Variants in ADCY5 observed in about 807,000 individuals in gnomAD.
ADCY5 encodes the protein adenylate cyclase 5, also known as adenylate cyclase type 5.
A neutral mutation model predicts 119.7 loss-of-function variants in ADCY5; 30 were observed. The ratio of observed to expected loss-of-function variants is 0.25; its 90% CI spans 0.19 to 0.34. The LOEUF is 0.34. Ranked by LOEUF, ADCY5 falls within the 10% of genes least tolerant of loss-of-function variation. ADCY5 has a pLI of 1.00. For missense variants in ADCY5, 1,324 were observed against 1,775.2 expected (o/e 0.75, Z 4.57); for synonymous variants, 753 against 762.2 (o/e 0.99, Z 0.20).
intron 2 of ADCY5, among the ~76,000 whole-genome samples, chr3:123,349,020 A>C (rs1942705978): frequency 6.6e-6 from 1 of 151,866 alleles, no homozygotes; most frequent in Non-Finnish European, 1.5e-5. Context: ...TCACGCCTGC[A>C]CTCTGGGAGT....
intron 12 of ADCY5, among the ~76,000 whole-genome samples, chr3:123,313,805 T>G (rs1940726114): frequency 6.6e-6 from 1 of 151,960 alleles, no homozygotes; most frequent in Non-Finnish European, 1.5e-5. Context: ...ATCTCTGAGG[T>G]CCCCTCCAGG....
chr3:123,387,742 A>G (rs1944271015), intron 1 of ADCY5, among the ~76,000 whole-genome samples: 1 of 152,228 alleles, frequency 6.6e-6, no homozygotes, highest in Non-Finnish European at 1.5e-5. Flanking sequence ...ACTAAACCCA[A>G]TGGCAGGCCA....
intron 1 of ADCY5, among the ~76,000 whole-genome samples, chr3:123,417,497 G>A (rs1945212916): frequency 6.6e-6 from 1 of 152,248 alleles, no homozygotes. Flanking sequence ...ATTTGCACAG[G>A]CCAGTCATTG....
intron 1 of ADCY5, among the ~76,000 whole-genome samples, chr3:123,430,486 GA>G: frequency 6.6e-6 from 1 of 152,184 alleles, no homozygotes; most frequent in East Asian, 1.9e-4. Context: ...AAGGAGGACC[GA>G]AATCAGCCCC....
At chr3:123,369,592 C>CAT (rs1943564015) in intron 1 of ADCY5, among the ~76,000 whole-genome samples, 1 of 152,298 alleles carries the variant, frequency 6.6e-6, no homozygotes, top group East Asian at 1.9e-4. Flanking sequence ...TGACCTTGAG[C>CAT]ATATCACTAG....
At chr3:123,428,010 G>C (rs181699643) in intron 1 of ADCY5, among the ~76,000 whole-genome samples, 3 of 152,332 alleles carry the variant, frequency 2.0e-5, no homozygotes, top group Admixed American at 6.5e-5. Context: ...AGGCATGCTA[G>C]GTTCAAGCAA....
chr3:123,294,436 T>C (rs1939363714), intron 17 of ADCY5, among the ~76,000 whole-genome samples: 1 of 152,230 alleles, frequency 6.6e-6, no homozygotes, highest in East Asian at 1.9e-4. Flanking sequence ...TGGCAGATGC[T>C]GGTTGAGCAG....
chr3:123,404,977 C>T (rs1304431691), intron 1 of ADCY5, among the ~76,000 whole-genome samples: 2 of 152,242 alleles, frequency 1.3e-5, no homozygotes, highest in African/African-American at 4.8e-5. Context: ...GTCTCAGCAC[C>T]TAACTCTGGG....
chr3:123,333,874 A>G (rs1004904581), intron 3 of ADCY5, among the ~76,000 whole-genome samples: 1 of 152,150 alleles, frequency 6.6e-6, no homozygotes, highest in African/African-American at 2.4e-5. Context: ...GGAGTCCTCT[A>G]TCCCCTACAA....
intron 1 of ADCY5, among the ~76,000 whole-genome samples, chr3:123,408,035 G>A (rs1448218942): frequency 6.6e-6 from 1 of 151,888 alleles, no homozygotes; most frequent in Non-Finnish European, 1.5e-5. Context: ...TTTAGAAAAC[G>A]CATCAATTAT....
intron 3 of ADCY5, among the ~76,000 whole-genome samples, chr3:123,344,078 G>A (rs1157521600): frequency 6.6e-6 from 1 of 152,180 alleles, no homozygotes; most frequent in East Asian, 1.9e-4. Context: ...AGGGGAGAAT[G>A]AGGCCATGGA....
At chr3:123,312,693 T>C (rs1416161841) in intron 12 of ADCY5, among the ~76,000 whole-genome samples, 1 of 152,206 alleles carries the variant, frequency 6.6e-6, no homozygotes, top group East Asian at 1.9e-4. Context: ...AGCGTCATGT[T>C]TTCAAGGTCC....
At chr3:123,361,987 C>T (rs997883664) in intron 1 of ADCY5, among the ~76,000 whole-genome samples, 1 of 152,136 alleles carries the variant, frequency 6.6e-6, no homozygotes, top group African/African-American at 2.4e-5. Flanking sequence ...TGCTCTCTAC[C>T]TGTATCAGTA....
At chr3:123,383,515 T>C (rs924184931) in intron 1 of ADCY5, among the ~76,000 whole-genome samples, 3 of 152,168 alleles carry the variant, frequency 2.0e-5, no homozygotes, top group African/African-American at 7.2e-5. Context: ...TCAGCCTCAA[T>C]GCCACGGTGA....
At position 123,334,810 on chromosome 3, in the gene ADCY5, C is replaced by T. The variant is rs187054631; in HGVS notation, c.1407-2135G>A. Among the ~76,000 whole-genome samples, 11 of 152,264 alleles carry T rather than the reference C, an allele frequency of 7.2e-5. No homozygotes were observed. The East Asian group carries it at 2.1e-3, about 29-fold the overall frequency. On this transcript the variant is annotated intron_variant, in intron 3 of 20. Transcript: ENST00000462833. Reference sequence around the variant, plus strand: ...ATTGTATATATTTATGGGGTGGGTACAAAGTGATGTGATGTCACGTATCCA... The same window carrying T: ...ATTGTATATATTTATGGGGTGGGTATAAAGTGATGTGATGTCACGTATCCA...
chr3:123,318,968 GCAGTTGGGCTGTC>G (rs1941071092), intron 10 of ADCY5, among the ~76,000 whole-genome samples: 1 of 152,194 alleles, frequency 6.6e-6, no homozygotes, highest in Non-Finnish European at 1.5e-5. Flanking sequence ...ATGTGACAAA[GCAGTTGGGCTGTC>G]CATTGACAAT....
chr3:123,296,124 A>G lies in ADCY5; in HGVS notation c.3023T>C (p.Val1008Ala). Residue 1008 changes from valine to alanine, a missense_variant, in exon 17 of 21, where the codon GTG becomes GCG. Physicochemically the swap from Val to Ala is moderately conservative, Grantham distance 64 (BLOSUM62 0). Transcript: ENST00000462833. ...GAAGTCGAGGCGGGCAGTGGACTCC[A>G]CCTGCTGGGCGTGCAGGTACAGGGC... Reference protein sequence around the residue: ...VLALYLHAQQVESTARLDFLW... With the variant: ...VLALYLHAQQAESTARLDFLW... 1 of 1,613,960 alleles carries G rather than the reference A, an allele frequency of 6.2e-7. No homozygotes were observed. Among genetic ancestry groups the G allele is most frequent in the Non-Finnish European group, 8.5e-7 (1 of 1,179,946 alleles).
chr3:123,361,147 A>AGACAG (rs1943230960), intron 1 of ADCY5, among the ~76,000 whole-genome samples: 8 of 152,140 alleles, frequency 5.3e-5, no homozygotes, highest in African/African-American at 9.7e-5. Flanking sequence ...CCTTCTTCAT[A>AGACAG]GATCCTGGTC....
chr3:123,393,769 G>A (rs1054546585), intron 1 of ADCY5, among the ~76,000 whole-genome samples: 1 of 151,874 alleles, frequency 6.6e-6, no homozygotes, highest in Non-Finnish European at 1.5e-5. Flanking sequence ...CCTGGGCCCT[G>A]GGCTGGCTTC....
Sources: gnomAD v4.1 joint callset for allele counts (sites outside exome capture counted in the v4.1 genomes callset) on GRCh38, gnomAD v4.1.1 for gene constraint, MANE v1.5 for transcripts, NCBI Gene and HGNC (gene_info 2026-07-23, HGNC 2026-07-21) for gene names.